LOXL3: variants seen among roughly 807,000 people sequenced by gnomAD.
LOXL3 encodes the protein lysyl oxidase homolog 3.
In LOXL3, 60 loss-of-function variants were observed where a neutral mutation model predicts 91.8. The ratio of observed to expected loss-of-function variants is 0.65; its 90% CI spans 0.53 to 0.81. LOXL3 has a LOEUF of 0.81. Among genes scored for constraint, LOXL3 ranks in the 30% least tolerant of loss-of-function variants. LOXL3 has a pLI of 0.00. For synonymous variants in LOXL3, 355 were observed against 387.6 expected, an observed-to-expected ratio of 0.92 and a Z score of 0.99; for missense variants, 874 against 1,000.4, an observed-to-expected ratio of 0.87 and a Z score of 1.70.
At position 74,536,279 on chromosome 2, in the gene LOXL3, A is replaced by G. The variant is rs1183106567; in HGVS notation, c.1093+12T>C. 1 of 1,613,122 alleles carries G rather than the reference A, an allele frequency of 6.2e-7. No individual in the cohort carries two copies. Among genetic ancestry groups the G allele is most frequent in the Non-Finnish European group, 8.5e-7 (1 of 1,179,746 alleles). On this transcript the variant is annotated intron_variant, in intron 6 of 13. Transcript: ENST00000264094. The surrounding 1 kb of genome is among the most constrained non-coding windows in gnomAD (Gnocchi z 4.5). ...CTCCTTCCCTCTCCCTCCCACCTCC[A>G]TGCCACCTCACCCTGCCCCATGCGA... is the stretch of plus-strand genomic sequence containing the variant.
Position 74,532,373 on chromosome 2 carries a change from A to G in LOXL3, c.*1233T>C. On this transcript the variant is annotated 3_prime_UTR_variant, in exon 14 of 14. Transcript: ENST00000264094. ...CCCTTAAAGCTTCTCTTAGTATTCTAGAATGACATTAGTGCTATTGATTTA... is the reference window on the plus strand; with the variant it reads ...CCCTTAAAGCTTCTCTTAGTATTCTGGAATGACATTAGTGCTATTGATTTA... 3.7e-6 allele frequency: 2 copies of G among 534,642 alleles called. No homozygotes were observed. The highest frequency in any genetic ancestry group is 2.0e-5 in the South Asian group (1 of 50,860). The allele number at this position is 534,642 out of a possible 1,614,324, so 33.1% of individuals were successfully genotyped here.
chr2:74,544,787 T>C (rs1195410707), intron 4 of LOXL3, among the ~76,000 whole-genome samples: 1 of 152,200 alleles, frequency 6.6e-6, no homozygotes. Flanking sequence ...GGGAGAGTTG[T>C]TTACAACTGT....
At position 74,536,002 on chromosome 2, in the gene LOXL3, C is replaced by T. The variant is rs1390515264; in HGVS notation, c.1242G>A (p.Glu414=). Residue 414 remains glutamate, a synonymous_variant, in exon 7 of 14, where the codon GAG becomes GAA. Transcript: ENST00000264094. The surrounding 1 kb of genome is among the most constrained non-coding windows in gnomAD (Gnocchi z 4.5). The part of the protein sequence containing the change: ...VRCNLPYTGA[E]TRIRLSGGRS... The stretch of plus-strand genomic sequence containing the variant: ...GGTAGAGAGGATGACTGACCCTGGT[C>T]TCTGCCCCAGTGTAAGGTAGGTTGC... 2 of 1,572,304 alleles carry T rather than the reference C, an allele frequency of 1.3e-6. No homozygotes were observed. The highest frequency in any genetic ancestry group is 1.7e-6 in the Non-Finnish European group (2 of 1,161,362).
chr2:74,552,241 C>T (rs1677059456), intron 2 of LOXL3, 81 bp downstream of exon 2: 7 of 1,328,574 alleles, frequency 5.3e-6, no homozygotes, highest in Non-Finnish European at 7.3e-6. Context: ...GTCCCTATGG[C>T]TGTGCCATCC....
intron 12 of LOXL3, 50 bp downstream of exon 12, chr2:74,534,050 C>CT: frequency 6.2e-7 from 1 of 1,612,462 alleles, no homozygotes. Context: ...TCAAAGGTGT[C>CT]TTTAACGCTC....
intron 1 of LOXL3, 126 bp from the exon 2 acceptor site, chr2:74,552,772 C>T: frequency 2.4e-6 from 2 of 843,694 alleles, no homozygotes; most frequent in South Asian, 1.9e-5. Context: ...CGAGAGACAA[C>T]AGGAGAGAAA....
rs191941495 is a variant in LOXL3 at position 74,546,753 on chromosome 2, G to A, written c.692+2616C>T. Among the ~76,000 whole-genome samples the A allele has an allele frequency of 1.9e-3, 291 of 152,192 alleles. 4 individuals are homozygous for A. The highest frequency in any genetic ancestry group is 6.6e-3 in the African/African-American group (275 of 41,522). On this transcript the variant is annotated intron_variant, in intron 4 of 13. Transcript: ENST00000264094. ...TTATTTGAGACGGAGTTTCGCTCTT[G>A]TTGCCCAGGCTGGAGTGCAATGGCG...
rs116178234 is a variant in LOXL3, at chr2:74,538,451, T to C, written c.693-1523A>G. ...AGGGGAGAAAGGGATGAATTATCGA[T>C]ACTTCAGTCCCTCTTGAAGTTATCA... On this transcript the variant is annotated intron_variant, in intron 4 of 13. Transcript: ENST00000264094. 8.0e-3 allele frequency among the ~76,000 whole-genome samples: 1,221 copies of C among 152,336 alleles called. 20 individuals are homozygous for C. Among genetic ancestry groups the C allele is most frequent in the African/African-American group, 0.025 (1,046 of 41,574 alleles).
In LOXL3 at chr2:74,546,500, G is replaced by C. The variant is rs143441121; in HGVS notation, c.692+2869C>G. On this transcript the variant is annotated intron_variant, in intron 4 of 13. Coordinates refer to ENST00000264094, the MANE Select transcript of LOXL3 (RefSeq NM_032603.5). ...CAGCTCCAGCCACAGTGGCCTCCAG[G>C]AGAAGGAGAGGCCTTATCCCATCAC... 4.6e-5 allele frequency among the ~76,000 whole-genome samples: 7 copies of C among 152,148 alleles called. 1 individual carries two copies. The highest frequency in any genetic ancestry group is 1.7e-4 in the African/African-American group (7 of 41,512).
chr2:74,532,557 G>T lies in LOXL3; in HGVS notation c.*1049C>A. 1 of 1,298,508 alleles carries T rather than the reference G, an allele frequency of 7.7e-7. No homozygotes were observed. The allele number at this position is 1,298,508 out of a possible 1,614,324, so 80.4% of individuals were successfully genotyped here. A position where few individuals can be genotyped will look rare whatever the true frequency, so the allele number is the denominator to read the frequency against. On this transcript the variant is annotated 3_prime_UTR_variant, in exon 14 of 14. Transcript: ENST00000264094. ...TCAATGTGTTGATGAGAGACTTGAGGTGGAACTCAGGATGGGGAGAATGCC... is the reference window on the plus strand; with the variant it reads ...TCAATGTGTTGATGAGAGACTTGAGTTGGAACTCAGGATGGGGAGAATGCC...
chr2:74,533,968 A>T lies in LOXL3; in HGVS notation c.2102T>A (p.Val701Glu), dbSNP rs535514021. 3 of 1,614,090 alleles carry T rather than the reference A, an allele frequency of 1.9e-6. No homozygotes were observed. In the Admixed American group the frequency reaches 5.0e-5, roughly 27 times the overall value. ...LQVVINPNFE[V>E]AESDFTNNAM... ...ATTGTTGGTAAAGTCACTCTCTGCT[A>T]CTTCAAAGTTTGGGTTGATGACAAC... The change falls in exon 13 of 14, where the codon GTA (valine) becomes GAA (glutamate). Residue 701 changes from valine to glutamate, a missense_variant. Val to Glu is a moderately radical substitution (Grantham distance 121, BLOSUM62 -2). Coordinates refer to ENST00000264094, the MANE Select transcript of LOXL3 (RefSeq NM_032603.5).
In LOXL3 at chr2:74,535,744, A is replaced by C; in HGVS notation, c.1260T>G (p.Ser420Arg). The change falls in exon 8 of 14, where the codon AGT becomes AGG. Residue 420 changes from serine (S) to arginine (R), a missense_variant. Coordinates refer to ENST00000264094, the MANE Select transcript of LOXL3 (RefSeq NM_032603.5). The surrounding 1 kb of genome is among the most constrained non-coding windows in gnomAD (Gnocchi z 4.2). The stretch of plus-strand genomic sequence containing the variant: ...GCCCCTCATGTTGGCTGCGGCCCCC[A>C]CTGAGTCGGATCTGTAGTGACACAG... ...YTGAETRIRL[S>R]GGRSQHEGRV... 6.4e-7 allele frequency: 1 copy of C among 1,572,504 alleles called. No individual in the cohort carries two copies. The highest frequency in any genetic ancestry group is 8.6e-7 in the Non-Finnish European group (1 of 1,165,100).
chr2:74,555,416 C>T (rs746582326), upstream of LOXL3: 1 of 1,611,134 alleles, frequency 6.2e-7, no homozygotes, highest in African/African-American at 1.3e-5. This position sits in a 1 kb window ranked among gnomAD's most constrained non-coding sequence, Gnocchi z 6.1. Context: ...CCGTCCAGTG[C>T]AGCCTGGGTG....
rs1200065113 is a variant in LOXL3, at chr2:74,534,156, T to C, written c.2020A>G (p.Ile674Val). ...VGCWDLYRHD[I>V]DCQWIDITDV... ...GTGATGTCAATCCACTGACAGTCAA[T>C]GTCATGCCGGTAGAGATCCCAGCAA... The change falls in exon 12 of 14, where the codon ATT becomes GTT. Residue 674 changes from isoleucine (I) to valine (V), a missense_variant. Physicochemically the swap from Ile to Val is conservative, Grantham distance 29. Transcript: ENST00000264094. 3 of 1,614,074 alleles carry C rather than the reference T, an allele frequency of 1.9e-6. No homozygotes were observed. Among genetic ancestry groups the C allele is most frequent in the Admixed American group, 1.7e-5 (1 of 60,002 alleles).
In LOXL3 at chr2:74,536,909, G is replaced by C; in HGVS notation, c.712C>G (p.Gln238Glu). 10 of 1,614,082 alleles carry C rather than the reference G, an allele frequency of 6.2e-6. No homozygotes were observed. The highest frequency in any genetic ancestry group is 7.6e-6 in the Non-Finnish European group (9 of 1,179,992). The change falls in exon 5 of 14, where the codon CAA becomes GAA. Residue 238 changes from glutamine (Q) to glutamate (E), a missense_variant. By Grantham distance (29) the Gln-to-Glu change is conservative. Coordinates refer to ENST00000264094, the MANE Select transcript of LOXL3 (RefSeq NM_032603.5). This position sits in a 1 kb window ranked among gnomAD's most constrained non-coding sequence, Gnocchi z 4.5. ...AFYRLLAQRQQHSFGLHGVAC... is the reference protein window; with the variant it reads ...AFYRLLAQRQEHSFGLHGVAC... ...ACCCCATGCAGACCAAAGGAGTGTT[G>C]CTGCCGTTGGGCTAGCAGCCTAGGG... is the stretch of plus-strand genomic sequence containing the variant.
rs559191779 is a variant in LOXL3, at chr2:74,549,130, G to A, written c.692+239C>T. 1 of 387,028 alleles carries A rather than the reference G, an allele frequency of 2.6e-6. No individual in the cohort carries two copies. The highest frequency in any genetic ancestry group is 2.1e-5 in the African/African-American group (1 of 48,058). The allele number at this position is 387,028 out of a possible 1,614,324, so 24.0% of individuals were successfully genotyped here. ...GAGGAATCCGCCTGCCCGCCCAGGC[G>A]TCGGCCACGAGAGAGCGGGAGCCTC... On this transcript the variant is annotated intron_variant, in intron 4 of 13. Transcript: ENST00000264094. The surrounding 1 kb of genome is among the most constrained non-coding windows in gnomAD (Gnocchi z 5.3).
chr2:74,543,900 C>CAAAAAAAAAAAAAAAAAAAAAAAAAAA (rs960168777), intron 4 of LOXL3, among the ~76,000 whole-genome samples: 2 of 65,164 alleles, frequency 3.1e-5, no homozygotes, highest in Non-Finnish European at 7.2e-5. Context: ...GGCTCTGTCT[C>CAAAAAAAAAAAAAAAAAAAAAAAAAAA]AAAAAAAAAA....
chr2:74,543,088 T>C, intron 4 of LOXL3, among the ~76,000 whole-genome samples: 1 of 152,192 alleles, frequency 6.6e-6, no homozygotes, highest in South Asian at 2.1e-4. Context: ...AACACTACAA[T>C]ATCCTGGTTT....
chr2:74,547,841 G>A (rs1291488199), intron 4 of LOXL3, among the ~76,000 whole-genome samples: 4 of 152,182 alleles, frequency 2.6e-5, no homozygotes, highest in African/African-American at 9.7e-5. Flanking sequence ...AAACTACTAT[G>A]ATTTTCTTTT....
Sources: gnomAD v4.1 joint callset for allele counts (sites outside exome capture counted in the v4.1 genomes callset) on GRCh38, gnomAD v4.1.1 for gene constraint, Gnocchi (gnomAD v3.1) non-coding constraint, MANE v1.5 for transcripts, NCBI Gene and HGNC (gene_info 2026-07-23, HGNC 2026-07-21) for gene names.